Variants in METTL15 observed in about 807,000 individuals in gnomAD.
The protein encoded by METTL15 is 12S rRNA N(4)-cytidine methyltransferase METTL15.
Under a neutral mutation model 38.3 loss-of-function variants are expected in METTL15, and 34 were observed. The ratio of observed to expected loss-of-function variants is 0.89; its 90% confidence interval spans 0.68 to 1.18. The LOEUF (loss-of-function observed/expected upper bound fraction) is 1.18, where lower values mean the gene tolerates loss of function less well. Ranked by LOEUF, METTL15 falls within the 50% of genes most tolerant of loss-of-function variation. The pLI is 0.00. For missense variants in METTL15, 438 were observed against 498.4 expected (o/e 0.88, Z 1.15); for synonymous variants, 162 against 170.9 (o/e 0.95, Z 0.41).
chr11:28,411,626 C>G (rs1850724952), intron 5 of METTL15, among the ~76,000 whole-genome samples: 1 of 45,674 alleles, frequency 2.2e-5, no homozygotes, highest in African/African-American at 8.8e-5. Flanking sequence ...AGACTTGAAG[C>G]TCTAAAATTC....
At chr11:28,313,012 A>G (rs568952974) in intron 6 of METTL15, among the ~76,000 whole-genome samples, 1 of 150,192 alleles carries the variant, frequency 6.7e-6, no homozygotes, top group African/African-American at 2.5e-5. Flanking sequence ...CTCTCGTATT[A>G]TTAGTCAGAG....
At chr11:28,308,430 C>T (rs1481310801) in intron 6 of METTL15, among the ~76,000 whole-genome samples, 1 of 152,022 alleles carries the variant, frequency 6.6e-6, no homozygotes, top group Non-Finnish European at 1.5e-5. Context: ...AGGTAAGATA[C>T]TGTACTGGTT....
At chr11:28,413,613 A>C (rs1564924375) in intron 5 of METTL15, among the ~76,000 whole-genome samples, 1 of 152,130 alleles carries the variant, frequency 6.6e-6, no homozygotes, top group Non-Finnish European at 1.5e-5. Flanking sequence ...TAGAAATGGT[A>C]ATTTTCATGG....
At chr11:28,358,705 A>G (rs1241042152) in intron 4 of METTL15, among the ~76,000 whole-genome samples, 1 of 152,144 alleles carries the variant, frequency 6.6e-6, no homozygotes, top group East Asian at 1.9e-4. Context: ...AAGGGGAGAG[A>G]CTATGTGATT....
intron 5 of METTL15, among the ~76,000 whole-genome samples, chr11:28,411,733 A>G (rs1850725715): frequency 6.6e-6 from 1 of 152,030 alleles, no homozygotes. Flanking sequence ...TAAATAAGTA[A>G]ATAAATAATG....
At chr11:28,523,908 G>C (rs912293760) in intron 6 of METTL15, among the ~76,000 whole-genome samples, 3 of 152,168 alleles carry the variant, frequency 2.0e-5, no homozygotes, top group African/African-American at 7.2e-5. Flanking sequence ...TTTGTTTGTC[G>C]TGACTAAGGT....
At chr11:28,204,915 G>C (rs1207798553) in intron 3 of METTL15, among the ~76,000 whole-genome samples, 2 of 151,870 alleles carry the variant, frequency 1.3e-5, no homozygotes, top group Non-Finnish European at 2.9e-5. Context: ...TTTGTTTATA[G>C]ATAAATTATA....
intron 6 of METTL15, among the ~76,000 whole-genome samples, chr11:28,443,623 C>T (rs1446186817): frequency 1.3e-5 from 2 of 152,166 alleles, no homozygotes; most frequent in African/African-American, 4.8e-5. Context: ...CCGAAACCTG[C>T]TCCTCCTTAG....
At chr11:28,276,305 T>C (rs1855840856) in intron 4 of METTL15, among the ~76,000 whole-genome samples, 1 of 152,018 alleles carries the variant, frequency 6.6e-6, no homozygotes. Flanking sequence ...CCAGTAATGA[T>C]CTAACTGAAA....
intron 4 of METTL15, among the ~76,000 whole-genome samples, chr11:28,242,520 G>T (rs1854343285): frequency 6.6e-6 from 1 of 152,124 alleles, no homozygotes; most frequent in Non-Finnish European, 1.5e-5. Context: ...CTAAAAGTAA[G>T]AAAATGATTG....
In METTL15 at chr11:28,141,586, G is replaced by A. The variant is rs150716593; in HGVS notation, c.270+27982G>A. On this transcript the variant is annotated intron_variant, in intron 3 of 6. Transcript: ENST00000407364. Reference sequence around the variant, plus strand: ...CACCTGTAGTCTCAGCTACTTGGGAGGCTGAGTTGGGAGGATCGCTTGATC... The same window carrying A: ...CACCTGTAGTCTCAGCTACTTGGGAAGCTGAGTTGGGAGGATCGCTTGATC... Among the ~76,000 whole-genome samples the A allele has an allele frequency of 5.5e-3, 836 of 152,234 alleles. 4 individuals carry two copies. Among genetic ancestry groups the A allele is most frequent in the Non-Finnish European group, 8.3e-3 (565 of 68,020 alleles).
intron 5 of METTL15, among the ~76,000 whole-genome samples, chr11:28,293,527 T>A (rs565498640): frequency 2.6e-5 from 4 of 152,322 alleles, no homozygotes; most frequent in Non-Finnish European, 5.9e-5. Context: ...TAGGATTGAC[T>A]TGGTGATGCA....
At chr11:28,386,489 A>G (rs1340711413) in intron 5 of METTL15, among the ~76,000 whole-genome samples, 1 of 152,030 alleles carries the variant, frequency 6.6e-6, no homozygotes, top group Non-Finnish European at 1.5e-5. Flanking sequence ...AAAGAAAAAC[A>G]TTATATAATG....
rs577383919 is a variant in METTL15, at chr11:28,228,229, A to G, written c.407+17031A>G. Among the ~76,000 whole-genome samples, 15 of 151,944 alleles carry G rather than the reference A, an allele frequency of 9.9e-5. No individual in the cohort carries two copies. The South Asian group carries it at 3.1e-3, about 32-fold the overall frequency. On this transcript the variant is annotated intron_variant, in intron 4 of 6. Coordinates refer to ENST00000407364, the MANE Select transcript of METTL15 (RefSeq NM_001113528.2). ...CTTTTTCATGTCTACCTCAAGGCTT[A>G]TCTGCTTTAGTATCTGACTGCTCTT...
intron 3 of METTL15, among the ~76,000 whole-genome samples, chr11:28,191,125 C>T (rs754803257): frequency 1.3e-5 from 2 of 151,298 alleles, no homozygotes; most frequent in African/African-American, 2.4e-5. Context: ...TAGAATGGAA[C>T]TGGCATGAAT....
chr11:28,500,143 A>G (rs1851570601), intron 6 of METTL15, among the ~76,000 whole-genome samples: 1 of 152,074 alleles, frequency 6.6e-6, no homozygotes, highest in Non-Finnish European at 1.5e-5. Flanking sequence ...GTGGCTGTGA[A>G]CGGATACACA....
At chr11:28,325,731 T>C (rs1405524684) in intron 6 of METTL15, among the ~76,000 whole-genome samples, 3 of 152,184 alleles carry the variant, frequency 2.0e-5, no homozygotes, top group Non-Finnish European at 4.4e-5. Context: ...GGCATTTTTG[T>C]CAAAAGCACC....
At chr11:28,315,981 C>A (rs1289305895) in intron 6 of METTL15, among the ~76,000 whole-genome samples, 1 of 152,196 alleles carries the variant, frequency 6.6e-6, no homozygotes, top group South Asian at 2.1e-4. Context: ...AGGGCTTGGG[C>A]CCTCATGGAG....
intron 4 of METTL15, among the ~76,000 whole-genome samples, chr11:28,212,268 C>T (rs1268946074): frequency 6.6e-6 from 1 of 151,966 alleles, no homozygotes; most frequent in Non-Finnish European, 1.5e-5. Context: ...CTGAAACCTA[C>T]CATTTGACCG....
Sources: allele counts gnomAD v4.1 joint callset (sites outside exome capture counted in the v4.1 genomes callset), GRCh38; gene constraint gnomAD v4.1.1; transcripts MANE v1.5; gene names NCBI Gene and HGNC (gene_info 2026-07-23, HGNC 2026-07-21).